The following SDC3 variants were observed in gnomAD, a reference collection of about 807,000 sequenced individuals.
SDC3 encodes syndecan-3.
A neutral mutation model predicts 24.4 loss-of-function variants in SDC3; 13 were observed. The ratio of observed to expected loss-of-function variants is 0.53; its 90% CI spans 0.35 to 0.85. The LOEUF is 0.85. SDC3 is among the 40% of genes least tolerant of loss of function. The pLI, the probability that SDC3 is intolerant of heterozygous loss-of-function variation, is 0.01. For synonymous variants in SDC3, 295 were observed against 260.9 expected, an observed-to-expected ratio of 1.13 and a Z score of -1.26; for missense variants, 571 against 584.5, an observed-to-expected ratio of 0.98 and a Z score of 0.24.
At chr1:30,889,025 A>G (rs1639869915) in intron 1 of SDC3, among the ~76,000 whole-genome samples, 1 of 152,178 alleles carries the variant, frequency 6.6e-6, no homozygotes, top group South Asian at 2.1e-4. Context: ...GGGAGCAGAC[A>G]TGTCCAAGCC....
rs1182857149 is a variant in SDC3 at position 30,869,560 on chromosome 1, A to C, written c.*3651T>G. ...ACAAAAAAAAAAAAAAAAAAAAAAA[A>C]ACAAAAACAAAACCAGTTCCTTCAC... On this transcript the variant is annotated 3_prime_UTR_variant, in exon 5 of 5. Coordinates refer to ENST00000339394, the MANE Select transcript of SDC3 (RefSeq NM_014654.4). 6 of 394,862 alleles carry C rather than the reference A, an allele frequency of 1.5e-5. No homozygotes were observed. The highest frequency in any genetic ancestry group is 4.5e-5 in the Admixed American group (1 of 22,434). 24.5% of individuals were successfully genotyped at this position (394,862 alleles called of 1,614,324 possible). A position where few individuals can be genotyped will look rare whatever the true frequency, so the allele number is the denominator to read the frequency against.
chr1:30,876,924 A>G lies in SDC3; in HGVS notation c.498T>C (p.Thr166=), dbSNP rs757871664. ...TCGGGTCCCCTGTGCTTGTGGCAGCAGTGGTAGCCATGGTAGTGGAGACGG... is the reference window on the plus strand; with the variant it reads ...TCGGGTCCCCTGTGCTTGTGGCAGCGGTGGTAGCCATGGTAGTGGAGACGG... ...ATTVSTTMAT[T]AATSTGDPTV... The change falls in exon 3 of 5, where the codon ACT becomes ACC. Residue 166 remains threonine, a synonymous_variant. Coordinates refer to ENST00000339394, the MANE Select transcript of SDC3 (RefSeq NM_014654.4). 1.9e-6 allele frequency: 3 copies of G among 1,613,746 alleles called. No individual in the cohort carries two copies. The highest frequency in any genetic ancestry group is 1.7e-6 in the Non-Finnish European group (2 of 1,179,926).
chr1:30,883,718 G>A (rs1329295960), intron 1 of SDC3, among the ~76,000 whole-genome samples: 2 of 152,124 alleles, frequency 1.3e-5, no homozygotes, highest in South Asian at 4.1e-4. Context: ...CCCTTTTACC[G>A]ATGTGGAAAC....
chr1:30,876,465 C>T, intron 3 of SDC3, 87 bp downstream of exon 3: 1 of 1,210,788 alleles, frequency 8.3e-7, no homozygotes, highest in Non-Finnish European at 1.1e-6. Context: ...CCTCCTGGTC[C>T]TCAGTCCTGT....
chr1:30,908,608 G>T lies in SDC3; in HGVS notation c.-22C>A. 4.4e-6 allele frequency: 4 copies of T among 918,212 alleles called. No individual in the cohort carries two copies. Among genetic ancestry groups the T allele is most frequent in the Non-Finnish European group, 5.2e-6 (4 of 774,672 alleles). 56.9% of individuals were successfully genotyped at this position (918,212 alleles called of 1,614,324 possible). On this transcript the variant is annotated 5_prime_UTR_variant, in exon 1 of 5. Coordinates refer to ENST00000339394, the MANE Select transcript of SDC3 (RefSeq NM_014654.4). ...TCATGGCGGCGGCGCGGGCGCGGGC[G>T]GCGGGCGGCGGGCGGGCGCCTTTGT...
intron 1 of SDC3, among the ~76,000 whole-genome samples, chr1:30,883,410 G>A (rs1639775605): frequency 6.6e-6 from 1 of 152,194 alleles, no homozygotes. Context: ...GTGACCAGAG[G>A]CGACATGAGC....
chr1:30,894,678 CTG>C (rs1164874523), intron 1 of SDC3, among the ~76,000 whole-genome samples: 5 of 28,952 alleles, frequency 1.7e-4, no homozygotes, highest in African/African-American at 3.7e-4. Context: ...GTGTGGATGA[CTG>C]TGAGTGTGTG....
chr1:30,885,464 G>A (rs1639813811), intron 1 of SDC3, among the ~76,000 whole-genome samples: 1 of 152,146 alleles, frequency 6.6e-6, no homozygotes. Flanking sequence ...TAAACCCATA[G>A]CACTTTTGTT....
At position 30,870,145 on chromosome 1, in the gene SDC3, CA is replaced by C; in HGVS notation, c.*3065del. On this transcript the variant is annotated 3_prime_UTR_variant, in exon 5 of 5. Transcript: ENST00000339394. ...TCTGCTCCCTGTGTCCAGGGGCCCC[CA>C]CCAGGAGGCCTGACAGGCGGCTTTG... 1 of 381,420 alleles carries C rather than the reference CA, an allele frequency of 2.6e-6. No individual in the cohort carries two copies. 23.6% of individuals were successfully genotyped at this position (381,420 alleles called of 1,614,324 possible).
chr1:30,902,520 T>C (rs966834051), intron 1 of SDC3, among the ~76,000 whole-genome samples: 1 of 152,184 alleles, frequency 6.6e-6, no homozygotes, highest in African/African-American at 2.4e-5. Context: ...TGTGATGTTA[T>C]GGAGGACAGA....
At chr1:30,873,939 G>C (rs1350523556) in intron 4 of SDC3, among the ~76,000 whole-genome samples, 1 of 152,030 alleles carries the variant, frequency 6.6e-6, no homozygotes, top group Non-Finnish European at 1.5e-5. Context: ...AACTGGGGAA[G>C]GTCAAGCTGA....
At chr1:30,906,012 G>C (rs1489270237) in intron 1 of SDC3, among the ~76,000 whole-genome samples, 8 of 151,494 alleles carry the variant, frequency 5.3e-5, no homozygotes, top group Non-Finnish European at 8.8e-5. Flanking sequence ...TGACCCAAGG[G>C]TCATCATGTC....
At chr1:30,902,529 G>A (rs1201935741) in intron 1 of SDC3, among the ~76,000 whole-genome samples, 1 of 152,246 alleles carries the variant, frequency 6.6e-6, no homozygotes, top group African/African-American at 2.4e-5. Context: ...ATGGAGGACA[G>A]AGGCCTGGAG....
At chr1:30,893,417 T>G (rs1474378538) in intron 1 of SDC3, among the ~76,000 whole-genome samples, 1 of 151,602 alleles carries the variant, frequency 6.6e-6, no homozygotes, top group Non-Finnish European at 1.5e-5. Flanking sequence ...TGTAGCCATT[T>G]AGCAGCCCGA....
In SDC3 at chr1:30,878,666, G is replaced by A. The variant is rs1891419; in HGVS notation, c.213C>T (p.Pro71=). 0.28 allele frequency: 448,233 copies of A among 1,613,602 alleles called. 66,119 individuals carry two copies. The highest frequency in any genetic ancestry group is 0.3 in the Admixed American group (18,068 of 60,014). ...LEGSGDDDSF[P]DDELDDLYSG... The stretch of plus-strand genomic sequence containing the variant: ...AGTAGAGGTCATCCAGTTCATCATC[G>A]GGAAAGGAGTCATCATCCCCAGAGC... Residue 71 remains proline (P), a synonymous_variant, in exon 2 of 5, where the codon CCC becomes CCT. Transcript: ENST00000339394.
At chr1:30,903,137 C>T (rs1361402031) in intron 1 of SDC3, among the ~76,000 whole-genome samples, 1 of 152,198 alleles carries the variant, frequency 6.6e-6, no homozygotes, top group East Asian at 1.9e-4. Flanking sequence ...GCCTCAATCA[C>T]TATGAGGCCA....
chr1:30,888,249 T>G (rs902729633), intron 1 of SDC3, among the ~76,000 whole-genome samples: 2 of 152,172 alleles, frequency 1.3e-5, no homozygotes, highest in African/African-American at 4.8e-5. Flanking sequence ...GATTCAGGAC[T>G]GGAGCAGGGA....
intron 1 of SDC3, 104 bp downstream of exon 1, chr1:30,908,345 G>A (rs907490153): frequency 6.2e-5 from 36 of 585,216 alleles, no homozygotes; most frequent in African/African-American, 1.0e-4. Flanking sequence ...AGCCGGGGGG[G>A]AGGGAGCGGG....
rs549983915 is a variant in SDC3 at position 30,888,650 on chromosome 1, C to T, written c.139-9910G>A. Reference sequence around the variant, plus strand: ...GTCCAGGCCTCTCCTCCTGAGGAGGCGGGCTGTGGTTCCCCGCACCCTCCT... The same window carrying T: ...GTCCAGGCCTCTCCTCCTGAGGAGGTGGGCTGTGGTTCCCCGCACCCTCCT... On this transcript the variant is annotated intron_variant, in intron 1 of 4. Coordinates refer to ENST00000339394, the MANE Select transcript of SDC3 (RefSeq NM_014654.4). Among the ~76,000 whole-genome samples, 6 of 151,914 alleles carry T rather than the reference C, an allele frequency of 3.9e-5. No individual in the cohort carries two copies. The South Asian group carries it at 6.2e-4, about 16-fold the overall frequency.
Sources: allele counts gnomAD v4.1 joint callset (sites outside exome capture counted in the v4.1 genomes callset), GRCh38; gene constraint gnomAD v4.1.1; transcripts MANE v1.5; gene names NCBI Gene and HGNC (gene_info 2026-07-23, HGNC 2026-07-21).